PEX1: variants seen among roughly 807,000 people sequenced by gnomAD.
PEX1 encodes peroxisomal biogenesis factor 1, also known as peroxisomal ATPase PEX1.
PEX1 carries 97 observed loss-of-function variants against 152.5 expected under a neutral mutation model. That is an observed-to-expected ratio of 0.64 (90% CI 0.54 to 0.75). PEX1 has a LOEUF of 0.75. PEX1 is among the 30% of genes least tolerant of loss of function. PEX1 has a pLI of 0.00. For missense variants in PEX1, 1,357 were observed against 1,516.3 expected (o/e 0.89, Z 1.74); for synonymous variants, 485 against 531.6 (o/e 0.91, Z 1.21).
At chr7:92,511,724 A>G (rs1280135100) in intron 6 of PEX1, 21 bp from the exon 7 acceptor site, 17 of 1,604,108 alleles carry the variant, frequency 1.1e-5, no homozygotes, top group Non-Finnish European at 1.4e-5. Context: ...AAGGAATAGT[A>G]ATGAATTATC....
Position 92,487,339 on chromosome 7 carries a change from TA to T in PEX1, c.*117del. On this transcript the variant is annotated 3_prime_UTR_variant, in exon 24 of 24. Coordinates refer to ENST00000248633, the MANE Select transcript of PEX1 (RefSeq NM_000466.3). Reference sequence around the variant, plus strand: ...TAGCATTTACCAATCTGTGATTTTATAAATTAACCAAATTTGTTAAATTAAG... The same window carrying T: ...TAGCATTTACCAATCTGTGATTTTATAATTAACCAAATTTGTTAAATTAAG... The T allele has an allele frequency of 1.6e-6, 1 of 626,246 alleles. No individual in the cohort carries two copies. Among genetic ancestry groups the T allele is most frequent in the South Asian group, 2.0e-5 (1 of 51,248 alleles). 38.8% of individuals were successfully genotyped at this position (626,246 alleles called of 1,614,324 possible).
intron 8 of PEX1, among the ~76,000 whole-genome samples, chr7:92,510,551 A>G (rs1404964366): frequency 6.6e-6 from 1 of 152,018 alleles, no homozygotes; most frequent in Non-Finnish European, 1.5e-5. Context: ...AAGAGTTGCG[A>G]ATTTAAGAAC....
chr7:92,509,742 A>T (rs1178899120), intron 8 of PEX1, among the ~76,000 whole-genome samples: 1 of 152,162 alleles, frequency 6.6e-6, no homozygotes. Context: ...AACATTTCAA[A>T]AATAAAGAAA....
At position 92,494,589 on chromosome 7, in the gene PEX1, A is replaced by C. The variant is rs764802563; in HGVS notation, c.2824T>G (p.Phe942Val). The change falls in exon 18 of 24, where the codon TTT becomes GTT. Residue 942 changes from phenylalanine (F) to valine (V), a missense_variant. Physicochemically the swap from Phe to Val is conservative, Grantham distance 50 (BLOSUM62 -1). Transcript: ENST00000248633. ...CCCCGCCGAGGAGCAATGGATTCAA[A>C]TTCATCAAAGAAAAGAATGCAGGGC... is the stretch of plus-strand genomic sequence containing the variant. ...AKPCILFFDEFESIAPRRGHD... is the reference protein window; with the variant it reads ...AKPCILFFDEVESIAPRRGHD... 2 of 1,614,090 alleles carry C rather than the reference A, an allele frequency of 1.2e-6. No homozygotes were observed. The highest frequency in any genetic ancestry group is 1.7e-6 in the Non-Finnish European group (2 of 1,179,946).
rs140990231 is a variant in PEX1 at position 92,517,416 on chromosome 7, G to T, written c.1099C>A (p.Gln367Lys). Reference protein sequence around the residue: ...KEKQMSEPLDQKKIRSDHNEE... With the variant: ...KEKQMSEPLDKKKIRSDHNEE... ...TTATGATCTGACCTAATTTTTTTTTGATCTAGTGGCTCTGACATCTGCTTC... is the reference window on the plus strand; with the variant it reads ...TTATGATCTGACCTAATTTTTTTTTTATCTAGTGGCTCTGACATCTGCTTC... Residue 367 changes from glutamine (Q) to lysine (K), a missense_variant, in exon 5 of 24, where the codon CAA becomes AAA. Physicochemically the swap from Gln to Lys is moderately conservative, Grantham distance 53 (BLOSUM62 1). Transcript: ENST00000248633. 18 of 1,612,492 alleles carry T rather than the reference G, an allele frequency of 1.1e-5. No individual in the cohort carries two copies. The highest frequency in any genetic ancestry group is 1.6e-4 in the Middle Eastern group (1 of 6,076).
intron 23 of PEX1, among the ~76,000 whole-genome samples, chr7:92,488,565 A>G (rs1010600117): frequency 1.3e-5 from 2 of 152,194 alleles, no homozygotes; most frequent in African/African-American, 4.8e-5. Context: ...GTGGTCCACA[A>G]ATGAATAAAT....
chr7:92,490,509 C>T, intron 21 of PEX1, among the ~76,000 whole-genome samples: 1 of 151,754 alleles, frequency 6.6e-6, no homozygotes. Flanking sequence ...GTGGCATGTG[C>T]CTGTAGTCCC....
Position 92,487,099 on chromosome 7 carries a change from A to G in PEX1, c.*358T>C. On this transcript the variant is annotated 3_prime_UTR_variant, in exon 24 of 24. Coordinates refer to ENST00000248633, the MANE Select transcript of PEX1 (RefSeq NM_000466.3). ...GCATAAAATTTGTCAAATGCTACAA[A>G]GGTGATGAATATACAACTGGGAATT... 6.2e-6 allele frequency: 1 copy of G among 160,732 alleles called. No individual in the cohort carries two copies. Among genetic ancestry groups the G allele is most frequent in the Non-Finnish European group, 1.4e-5 (1 of 73,596 alleles). The allele number at this position is 160,732 out of a possible 1,614,324, so 10.0% of individuals were successfully genotyped here. A position where few individuals can be genotyped will look rare whatever the true frequency, so the allele number is the denominator to read the frequency against.
chr7:92,522,087 A>T lies in PEX1; in HGVS notation c.273+15T>A. On this transcript the variant is annotated intron_variant, in intron 2 of 23. Coordinates refer to ENST00000248633, the MANE Select transcript of PEX1 (RefSeq NM_000466.3). Reference sequence around the variant, plus strand: ...GTGATATTAGAAGAAAGTTATTGCCATCACATGTGCTTACCTGTCCCCCAT... The same window carrying T: ...GTGATATTAGAAGAAAGTTATTGCCTTCACATGTGCTTACCTGTCCCCCAT... 1 of 1,612,874 alleles carries T rather than the reference A, an allele frequency of 6.2e-7. No homozygotes were observed. Among genetic ancestry groups the T allele is most frequent in the Non-Finnish European group, 8.5e-7 (1 of 1,178,886 alleles).
At chr7:92,492,100 A>AAAGGCT (rs1274130477) in intron 20 of PEX1, among the ~76,000 whole-genome samples, 1 of 152,222 alleles carries the variant, frequency 6.6e-6, no homozygotes, top group African/African-American at 2.4e-5. Flanking sequence ...TCTTTAGAGA[A>AAAGGCT]AAGGCTGATG....
chr7:92,509,975 C>T (rs1792378491), intron 8 of PEX1, among the ~76,000 whole-genome samples: 1 of 152,026 alleles, frequency 6.6e-6, no homozygotes, highest in African/African-American at 2.4e-5. Context: ...GAAATCTCGT[C>T]TCTACTAAAA....
chr7:92,489,957 G>A (rs532197970), intron 21 of PEX1, 46 bp from the exon 22 acceptor site: 5 of 1,410,258 alleles, frequency 3.5e-6, no homozygotes, highest in Non-Finnish European at 4.0e-6. Flanking sequence ...AAGAGGGGGA[G>A]AGAAAAAACT....
chr7:92,487,613 G>C (rs1791002242), intron 23 of PEX1, 72 bp from the exon 24 acceptor site: 1 of 651,330 alleles, frequency 1.5e-6, no homozygotes, highest in Non-Finnish European at 2.7e-6. Flanking sequence ...TGGATTGTTG[G>C]CAAACACAAT....
chr7:92,493,158 TA>T, intron 19 of PEX1, 29 bp from the exon 20 acceptor site: 1 of 1,249,310 alleles, frequency 8.0e-7, no homozygotes, highest in Non-Finnish European at 1.1e-6. Context: ...ATTTAACAAA[TA>T]AAAAATAAAA....
Position 92,493,336 on chromosome 7 carries a change from AAATC to A in PEX1, c.3031-211_3031-208del, listed in dbSNP as rs1159751914. On this transcript the variant is annotated intron_variant, in intron 19 of 23. Coordinates refer to ENST00000248633, the MANE Select transcript of PEX1 (RefSeq NM_000466.3). ...ATAATATATATAGGAAAATGAATGA[AAATC>A]AAACACTCTTAAGGCTGGGCATGGT... The A allele has an allele frequency of 8.3e-5, 30 of 363,396 alleles. No individual in the cohort carries two copies. The East Asian group carries it at 1.6e-3, about 19-fold the overall frequency. The allele number at this position is 363,396 out of a possible 1,614,324, so 22.5% of individuals were successfully genotyped here.
chr7:92,494,263 G>A (rs887398334), intron 19 of PEX1, 30 bp downstream of exon 19: 1 of 1,481,666 alleles, frequency 6.7e-7, no homozygotes, highest in South Asian at 1.1e-5. Flanking sequence ...GCATTTGTTG[G>A]GTTTTGGACT....
intron 1 of PEX1, 24 bp from the exon 2 acceptor site, chr7:92,522,269 A>T: frequency 1.2e-6 from 2 of 1,610,092 alleles, no homozygotes; most frequent in Non-Finnish European, 1.7e-6. Flanking sequence ...AAATGAGAGG[A>T]AAAAAGGTTT....
At chr7:92,490,179 A>G (rs1791215349) in intron 21 of PEX1, 1 of 471,816 alleles carries the variant, frequency 2.1e-6, no homozygotes, top group Non-Finnish European at 3.8e-6. Context: ...AATCCAACAC[A>G]CTAATGCCCA....
In PEX1 at chr7:92,514,159, C is replaced by T. The variant is rs559557269; in HGVS notation, c.1240-192G>A. Among the ~76,000 whole-genome samples the T allele has an allele frequency of 1.1e-4, 17 of 152,214 alleles. No homozygotes were observed. The South Asian group carries it at 2.5e-3, about 22-fold the overall frequency. On this transcript the variant is annotated intron_variant, in intron 5 of 23. Coordinates refer to ENST00000248633, the MANE Select transcript of PEX1 (RefSeq NM_000466.3). ...TATCCTAAACTGGGTGGCTAACAAACGACAGAAACTTATTTCTCACAGTTC... is the reference window on the plus strand; with the variant it reads ...TATCCTAAACTGGGTGGCTAACAAATGACAGAAACTTATTTCTCACAGTTC...
Sources: gnomAD v4.1 joint callset for allele counts (sites outside exome capture counted in the v4.1 genomes callset) on GRCh38, gnomAD v4.1.1 for gene constraint, MANE v1.5 for transcripts, NCBI Gene and HGNC (gene_info 2026-07-23, HGNC 2026-07-21) for gene names.